PKIB: variants seen among roughly 807,000 people sequenced by gnomAD.
PKIB encodes cAMP-dependent protein kinase inhibitor beta.
PKIB carries 2 observed loss-of-function variants against 4.5 expected under a neutral mutation model. The observed-to-expected ratio is 0.44, with a 90% confidence interval of 0.18 to 1.39. The LOEUF (loss-of-function observed/expected upper bound fraction) is 1.39. PKIB is among the 40% of genes most tolerant of loss of function. PKIB has a pLI of 0.27. For missense variants in PKIB, 94 were observed against 92.6 expected, an observed-to-expected ratio of 1.02 and a Z score of -0.06; for synonymous variants, 38 against 36.0, an observed-to-expected ratio of 1.06 and a Z score of -0.20.
At chr6:122,485,504 C>G (rs1775740949) in intron 2 of PKIB, among the ~76,000 whole-genome samples, 1 of 152,116 alleles carries the variant, frequency 6.6e-6, no homozygotes. Flanking sequence ...GTAAAAACAA[C>G]ATTAAATTTT....
intron 2 of PKIB, among the ~76,000 whole-genome samples, chr6:122,657,995 C>G (rs1369222933): frequency 2.0e-5 from 3 of 152,162 alleles, no homozygotes; most frequent in Non-Finnish European, 4.4e-5. Context: ...CTGGATTAAG[C>G]TCTTTATATC....
At chr6:122,639,118 G>T (rs1421289981) in intron 2 of PKIB, among the ~76,000 whole-genome samples, 2 of 152,088 alleles carry the variant, frequency 1.3e-5, no homozygotes, top group African/African-American at 2.4e-5. Flanking sequence ...TTTTAAGCAC[G>T]ACTAACCAAA....
chr6:122,662,138 C>T (rs1258856049), intron 2 of PKIB, among the ~76,000 whole-genome samples: 1 of 151,680 alleles, frequency 6.6e-6, no homozygotes, highest in Non-Finnish European at 1.5e-5. Context: ...TTTTCCAATT[C>T]TTTAGGTAGT....
At chr6:122,568,898 A>C (rs1469400957) in intron 2 of PKIB, among the ~76,000 whole-genome samples, 1 of 152,018 alleles carries the variant, frequency 6.6e-6, no homozygotes, top group Non-Finnish European at 1.5e-5. Flanking sequence ...TTCTGTGTGC[A>C]GACTGCCTGG....
chr6:122,511,655 T>C (rs1450584995), intron 2 of PKIB, among the ~76,000 whole-genome samples: 4 of 152,190 alleles, frequency 2.6e-5, no homozygotes, highest in South Asian at 2.1e-4. Context: ...ACTTGTAAAA[T>C]GGAGGCTGCA....
intron 2 of PKIB, chr6:122,585,860 T>C (rs1205889898): frequency 1.3e-5 from 2 of 152,180 alleles, no homozygotes; most frequent in African/African-American, 4.8e-5. Flanking sequence ...CGTGTTATGT[T>C]AATTATGCTG....
At chr6:122,631,526 G>A (rs1042109847) in intron 1 of PKIB, among the ~76,000 whole-genome samples, 1 of 152,156 alleles carries the variant, frequency 6.6e-6, no homozygotes, top group Non-Finnish European at 1.5e-5. Flanking sequence ...AACAAAGGAA[G>A]CAAGTTTATA....
At chr6:122,619,184 A>C (rs1775116531) in intron 1 of PKIB, among the ~76,000 whole-genome samples, 1 of 152,100 alleles carries the variant, frequency 6.6e-6, no homozygotes, top group Admixed American at 6.5e-5. Flanking sequence ...TTAATGATTT[A>C]GGGTGCACTG....
chr6:122,631,531 T>C (rs1430843606), intron 1 of PKIB, among the ~76,000 whole-genome samples: 3 of 152,174 alleles, frequency 2.0e-5, no homozygotes, highest in Admixed American at 2.0e-4. Flanking sequence ...AGGAAGCAAG[T>C]TTATACTTCT....
chr6:122,623,862 A>G (rs1207190900), intron 1 of PKIB, among the ~76,000 whole-genome samples: 27 of 151,924 alleles, frequency 1.8e-4, no homozygotes, highest in Admixed American at 1.7e-3. Context: ...TTTCTATCAT[A>G]TATTTCATTG....
At chr6:122,503,899 G>A (rs1582662358) in intron 2 of PKIB, among the ~76,000 whole-genome samples, 1 of 152,152 alleles carries the variant, frequency 6.6e-6, no homozygotes, top group East Asian at 1.9e-4. Context: ...ACCCAAAGTG[G>A]TTTCTGTTAT....
At chr6:122,515,585 A>G (rs1259681566) in intron 2 of PKIB, among the ~76,000 whole-genome samples, 1 of 152,262 alleles carries the variant, frequency 6.6e-6, no homozygotes, top group Non-Finnish European at 1.5e-5. Context: ...CTTTAAGAAC[A>G]GATAAGACAG....
chr6:122,696,565 C>T (rs1778581939), intron 3 of PKIB, among the ~76,000 whole-genome samples: 1 of 152,200 alleles, frequency 6.6e-6, no homozygotes, highest in South Asian at 2.1e-4. Flanking sequence ...AAGAGAAGTG[C>T]CCAGGCAGAT....
chr6:122,542,999 G>A (rs570832474), intron 2 of PKIB, among the ~76,000 whole-genome samples: 1 of 152,240 alleles, frequency 6.6e-6, no homozygotes, highest in East Asian at 1.9e-4. Flanking sequence ...GACTCCATGG[G>A]CATACGACCC....
At chr6:122,501,109 C>T (rs1776220505) in intron 2 of PKIB, among the ~76,000 whole-genome samples, 1 of 152,168 alleles carries the variant, frequency 6.6e-6, no homozygotes, top group Non-Finnish European at 1.5e-5. Context: ...TCCCACATCT[C>T]ATGTCCTTCT....
At chr6:122,557,648 G>A (rs1772886386) in intron 2 of PKIB, among the ~76,000 whole-genome samples, 1 of 152,198 alleles carries the variant, frequency 6.6e-6, no homozygotes, top group Non-Finnish European at 1.5e-5. Context: ...AGCAGTCCAG[G>A]TTCAACAACA....
At chr6:122,703,001 C>T (rs1778891697) in intron 3 of PKIB, among the ~76,000 whole-genome samples, 1 of 152,092 alleles carries the variant, frequency 6.6e-6, no homozygotes, top group African/African-American at 2.4e-5. Flanking sequence ...AATGTAAGAA[C>T]TTGTGACTTG....
At position 122,726,242 on chromosome 6, in the gene PKIB, G is replaced by C. The variant is rs1028913209; in HGVS notation, c.*1047G>C. 6.6e-6 allele frequency: 1 copy of C among 152,008 alleles called. No individual in the cohort carries two copies. Among genetic ancestry groups the C allele is most frequent in the Non-Finnish European group, 1.5e-5 (1 of 67,974 alleles). 9.4% of individuals were successfully genotyped at this position (152,008 alleles called of 1,614,324 possible). ...AATAGAATTCTGAAGTTTTAAAAATGTCAGTAATTAATTTATTTTCATTTT... is the reference window on the plus strand; with the variant it reads ...AATAGAATTCTGAAGTTTTAAAAATCTCAGTAATTAATTTATTTTCATTTT... On this transcript the variant is annotated 3_prime_UTR_variant, in exon 5 of 5. Transcript: ENST00000368452.
chr6:122,489,912 A>G (rs1468391574), intron 2 of PKIB, among the ~76,000 whole-genome samples: 2 of 152,074 alleles, frequency 1.3e-5, no homozygotes, highest in Non-Finnish European at 1.5e-5. Flanking sequence ...TTTGAGATCT[A>G]TTTTTCAGTG....
Sources: allele counts gnomAD v4.1 joint callset (sites outside exome capture counted in the v4.1 genomes callset), GRCh38; gene constraint gnomAD v4.1.1; transcripts MANE v1.5; gene names NCBI Gene and HGNC (gene_info 2026-07-23, HGNC 2026-07-21).